The following CPEB4 variants were observed in gnomAD, a reference collection of about 807,000 sequenced individuals.
CPEB4 encodes the protein cytoplasmic polyadenylation element binding protein 4, also known as cytoplasmic polyadenylation element-binding protein 4.
Under a neutral mutation model 72.5 loss-of-function variants are expected in CPEB4, and 12 were observed. The observed-to-expected ratio is 0.17, with a 90% CI of 0.11 to 0.27. The LOEUF (loss-of-function observed/expected upper bound fraction) is 0.27, where lower values mean the gene tolerates loss of function less well. CPEB4 is among the 10% of genes least tolerant of loss of function. CPEB4 has a pLI of 1.00. For missense variants in CPEB4, 614 were observed against 908.5 expected, an observed-to-expected ratio of 0.68 and a Z score of 4.17; for synonymous variants, 302 against 326.3, an observed-to-expected ratio of 0.93 and a Z score of 0.80.
chr5:173,889,310 A>T lies in CPEB4; in HGVS notation c.-424A>T, dbSNP rs1755719456. On this transcript the variant is annotated 5_prime_UTR_variant, in exon 1 of 10. An upstream open reading frame in the 5' UTR loses its in-frame stop. Transcript: ENST00000265085. ...AAACTGCTGAGGAAAACCATATGTG[A>T]TTGTTAAATTATATATATCTATATT... 1.3e-5 allele frequency: 2 copies of T among 153,334 alleles called. No individual in the cohort carries two copies. Among genetic ancestry groups the T allele is most frequent in the Non-Finnish European group, 2.9e-5 (2 of 68,984 alleles). The allele number at this position is 153,334 out of a possible 1,614,324, so 9.5% of individuals were successfully genotyped here.
intron 3 of CPEB4, among the ~76,000 whole-genome samples, chr5:173,941,213 C>G (rs1757825821): frequency 6.6e-6 from 1 of 152,138 alleles, no homozygotes; most frequent in African/African-American, 2.4e-5. Flanking sequence ...ATCTTTGAAG[C>G]AGTTGTATGA....
chr5:173,901,943 G>A (rs1756251904), intron 1 of CPEB4, among the ~76,000 whole-genome samples: 1 of 152,204 alleles, frequency 6.6e-6, no homozygotes, highest in African/African-American at 2.4e-5. Flanking sequence ...CTTGTGGGAT[G>A]TCAGAGTGCT....
intron 2 of CPEB4, among the ~76,000 whole-genome samples, chr5:173,921,675 G>A (rs1305665790): frequency 1.3e-5 from 2 of 152,162 alleles, no homozygotes; most frequent in African/African-American, 2.4e-5. Context: ...GGAGGGGGAG[G>A]CAAGTGCTAC....
chr5:173,954,034 A>G (rs1758296808), intron 9 of CPEB4, among the ~76,000 whole-genome samples: 1 of 151,970 alleles, frequency 6.6e-6, no homozygotes, highest in Non-Finnish European at 1.5e-5. Flanking sequence ...GAAAGCCTTT[A>G]TTGATGAGGG....
chr5:173,912,909 A>G (rs1756714870), intron 2 of CPEB4, among the ~76,000 whole-genome samples: 2 of 134,920 alleles, frequency 1.5e-5, no homozygotes, highest in Admixed American at 1.5e-4. Context: ...GCTCTTTAAG[A>G]CCCTGTCTCA....
chr5:173,892,274 A>ATTTTT lies in CPEB4; in HGVS notation c.1125+1427_1125+1431dup, dbSNP rs71820084. 1.6e-4 allele frequency among the ~76,000 whole-genome samples: 19 copies of ATTTTT among 120,760 alleles called. 6 individuals are homozygous for ATTTTT. Among genetic ancestry groups the ATTTTT allele is most frequent in the Non-Finnish European group, 2.1e-4 (12 of 57,840 alleles). The allele number at this position is 120,760 out of a possible 152,430, so 79.2% of individuals were successfully genotyped here. ...ATTTAGTTTTCGACTTCTAAAAACG[A>ATTTTT]TTTTTTTTTTTTTTTGCCTATCAAA... On this transcript the variant is annotated intron_variant, in intron 1 of 9. Coordinates refer to ENST00000265085, the MANE Select transcript of CPEB4 (RefSeq NM_030627.4).
intron 2 of CPEB4, among the ~76,000 whole-genome samples, chr5:173,927,775 T>TA (rs879857220): frequency 3.1e-4 from 44 of 143,392 alleles, no homozygotes; most frequent in Middle Eastern, 3.6e-3. Context: ...AGACTCCATC[T>TA]AAAAAAAAAA....
At chr5:173,894,334 CAT>C (rs1755924086) in intron 1 of CPEB4, among the ~76,000 whole-genome samples, 1 of 152,066 alleles carries the variant, frequency 6.6e-6, no homozygotes, top group Non-Finnish European at 1.5e-5. Flanking sequence ...TAATAGCTAA[CAT>C]GTGGCGGGGT....
intron 2 of CPEB4, among the ~76,000 whole-genome samples, chr5:173,931,814 C>T (rs1757457089): frequency 6.6e-6 from 1 of 152,168 alleles, no homozygotes; most frequent in Admixed American, 6.5e-5. Flanking sequence ...ATTTTAGTAC[C>T]TTCACAAATT....
chr5:173,924,838 C>G (rs995033902), intron 2 of CPEB4, among the ~76,000 whole-genome samples: 1 of 152,246 alleles, frequency 6.6e-6, no homozygotes, highest in African/African-American at 2.4e-5. Context: ...GCACCTTTCT[C>G]TGCTCCAGGC....
chr5:173,897,122 T>G (rs1756045115), intron 1 of CPEB4, among the ~76,000 whole-genome samples: 1 of 152,266 alleles, frequency 6.6e-6, no homozygotes, highest in African/African-American at 2.4e-5. Flanking sequence ...TTGAATAAGC[T>G]ATAGATGCAA....
chr5:173,891,848 T>A (rs1415049457), intron 1 of CPEB4, among the ~76,000 whole-genome samples: 1 of 152,138 alleles, frequency 6.6e-6, no homozygotes, highest in African/African-American at 2.4e-5. Context: ...AATCTAGTTT[T>A]CCCAACAACC....
rs547015802 is a variant in CPEB4, at chr5:173,902,693, A to G, written c.1126-7830A>G. On this transcript the variant is annotated intron_variant, in intron 1 of 9. Transcript: ENST00000265085. ...CAAGAGTGAAATATTTTTGAGAGAA[A>G]TTTGCCTTGCAGGTTTCTAATCATG... Among the ~76,000 whole-genome samples the G allele has an allele frequency of 7.2e-5, 11 of 152,310 alleles. No individual in the cohort carries two copies. The East Asian group carries it at 2.1e-3, about 29-fold the overall frequency.
rs927041016 is a variant in CPEB4, at chr5:173,889,615, A to G, written c.-119A>G. ...ATAAGCTGCGATCTTTGAGCTAGCT[A>G]TAAATAAGACATTTCAAGCAAGCAA... On this transcript the variant is annotated 5_prime_UTR_variant, in exon 1 of 10. Coordinates refer to ENST00000265085, the MANE Select transcript of CPEB4 (RefSeq NM_030627.4). 15 of 845,486 alleles carry G rather than the reference A, an allele frequency of 1.8e-5. No homozygotes were observed. Among genetic ancestry groups the G allele is most frequent in the Non-Finnish European group, 2.8e-5 (15 of 533,132 alleles). The allele number at this position is 845,486 out of a possible 1,614,324, so 52.4% of individuals were successfully genotyped here. A position where few individuals can be genotyped will look rare whatever the true frequency, so the allele number is the denominator to read the frequency against.
At position 173,888,419 on chromosome 5, in the gene CPEB4, C is replaced by CGGT; in HGVS notation, c.-1313_-1312insTGG. The CGGT allele has an allele frequency of 8.7e-6, 4 of 457,580 alleles. No homozygotes were observed. The highest frequency in any genetic ancestry group is 5.3e-5 in the South Asian group (1 of 18,766). 28.3% of individuals were successfully genotyped at this position (457,580 alleles called of 1,614,324 possible). A position where few individuals can be genotyped will look rare whatever the true frequency, so the allele number is the denominator to read the frequency against. ...CCCGGGCACCGGGAGGCGGTGGCGG[C>CGGT]GGCGGCGGCGGCAGCAGCGGCGACA... On this transcript the variant is annotated 5_prime_UTR_variant, in exon 1 of 10. Coordinates refer to ENST00000265085, the MANE Select transcript of CPEB4 (RefSeq NM_030627.4). This position sits in a 1 kb window ranked among gnomAD's most constrained non-coding sequence, Gnocchi z 4.3.
chr5:173,956,221 C>A lies in CPEB4; in HGVS notation c.*84C>A, dbSNP rs1758372803. On this transcript the variant is annotated 3_prime_UTR_variant, in exon 10 of 10. Coordinates refer to ENST00000265085, the MANE Select transcript of CPEB4 (RefSeq NM_030627.4). ...TGACCCCTTCCTCAACCTCTTCACG[C>A]TGGCATGTCCTTTTGTAGCAGTCTG... 7.0e-6 allele frequency: 7 copies of A among 1,005,872 alleles called. No homozygotes were observed. Among genetic ancestry groups the A allele is most frequent in the Non-Finnish European group, 1.1e-5 (7 of 646,338 alleles). The allele number at this position is 1,005,872 out of a possible 1,614,324, so 62.3% of individuals were successfully genotyped here. A position where few individuals can be genotyped will look rare whatever the true frequency, so the allele number is the denominator to read the frequency against.
intron 1 of CPEB4, among the ~76,000 whole-genome samples, chr5:173,901,914 A>G (rs958735764): frequency 1.3e-5 from 2 of 152,204 alleles, no homozygotes; most frequent in Non-Finnish European, 2.9e-5. Flanking sequence ...AAGCTCTGTC[A>G]TACAGAGCTT....
intron 2 of CPEB4, among the ~76,000 whole-genome samples, chr5:173,931,996 A>G (rs1008960075): frequency 2.0e-5 from 3 of 152,224 alleles, no homozygotes; most frequent in African/African-American, 7.2e-5. Context: ...CCCTCTGAGA[A>G]TATTTCCCCA....
rs1755829134 is a variant in CPEB4 at position 173,891,975 on chromosome 5, A to AC, written c.1125+1117_1125+1118insC. 4.0e-5 allele frequency among the ~76,000 whole-genome samples: 6 copies of AC among 151,776 alleles called. 1 individual carries two copies. The South Asian group carries it at 1.2e-3, about 32-fold the overall frequency. ...GGTCAGAGTACAAATTCTAAGTTAA[A>AC]AAAAAAAACAAACCCAAGGATTGAA... On this transcript the variant is annotated intron_variant, in intron 1 of 9. Transcript: ENST00000265085.
Sources: gnomAD v4.1 joint callset for allele counts (sites outside exome capture counted in the v4.1 genomes callset) on GRCh38, gnomAD v4.1.1 for gene constraint, Gnocchi (gnomAD v3.1) non-coding constraint, MANE v1.5 for transcripts, NCBI Gene and HGNC (gene_info 2026-07-23, HGNC 2026-07-21) for gene names.